The following FBXL13 variants were observed in gnomAD, a reference collection of about 807,000 sequenced individuals.
FBXL13 encodes F-box and leucine-rich repeat protein 13.
In FBXL13, 67 loss-of-function variants were observed where a neutral mutation model predicts 83.6. The observed-to-expected ratio is 0.80, with a 90% CI of 0.66 to 0.98. The LOEUF (loss-of-function observed/expected upper bound fraction) is 0.98. FBXL13 is among the 50% of genes least tolerant of loss of function. The probability of loss-of-function intolerance (pLI) is 0.00; values close to 1 mark genes in which losing one functional copy is unlikely to be tolerated. For missense variants in FBXL13, 822 were observed against 866.5 expected (o/e 0.95, Z 0.64); for synonymous variants, 272 against 299.5 (o/e 0.91, Z 0.95).
intron 6 of FBXL13, among the ~76,000 whole-genome samples, chr7:102,993,971 G>A (rs1419740902): frequency 6.6e-6 from 1 of 152,020 alleles, no homozygotes; most frequent in Non-Finnish European, 1.5e-5. Flanking sequence ...TTTTAAATAA[G>A]GTTCAGACCA....
chr7:102,813,764 G>A (rs1469399313), intron 19 of FBXL13, among the ~76,000 whole-genome samples: 2 of 152,152 alleles, frequency 1.3e-5, no homozygotes, highest in African/African-American at 2.4e-5. Flanking sequence ...CAGTGAATGG[G>A]TAAGGAAACT....
chr7:102,980,494 C>T (rs1487942890), intron 6 of FBXL13, among the ~76,000 whole-genome samples: 1 of 152,172 alleles, frequency 6.6e-6, no homozygotes, highest in Non-Finnish European at 1.5e-5. Context: ...AGAGCTAAAA[C>T]CAGCCGGGTG....
At chr7:103,015,044 A>G (rs1349723247) in intron 6 of FBXL13, among the ~76,000 whole-genome samples, 1 of 152,106 alleles carries the variant, frequency 6.6e-6, no homozygotes, top group East Asian at 1.9e-4. Flanking sequence ...GGTTCAACAC[A>G]TGCAAATCAA....
At chr7:102,983,421 C>CTTT (rs151066223) in intron 6 of FBXL13, among the ~76,000 whole-genome samples, 21,601 of 144,934 alleles carry the variant, frequency 0.15, 1,786 homozygotes, top group Middle Eastern at 0.18. Flanking sequence ...TCTTTTTTCC[C>CTTT]CTTTTTTTTT....
intron 8 of FBXL13, chr7:102,945,040 C>T (rs1822226864): frequency 6.5e-6 from 1 of 153,370 alleles, no homozygotes. Context: ...TTCCCTACCC[C>T]TCTACTTTTT....
chr7:102,963,648 C>T, exon 8 of FBXL13: 1 of 1,599,856 alleles, frequency 6.3e-7, no homozygotes, highest in African/African-American at 1.3e-5. Flanking sequence ...TCACATTTTT[C>T]ACTGAGGAAA....
intron 10 of FBXL13, among the ~76,000 whole-genome samples, chr7:102,920,620 G>A (rs1158672984): frequency 1.3e-5 from 2 of 151,948 alleles, no homozygotes; most frequent in Non-Finnish European, 2.9e-5. Flanking sequence ...CAAACTGCTG[G>A]GTTACAGCAA....
chr7:102,885,276 TCAC>T (rs1810642813), intron 11 of FBXL13, among the ~76,000 whole-genome samples: 1 of 152,230 alleles, frequency 6.6e-6, no homozygotes, highest in Admixed American at 6.5e-5. Flanking sequence ...TTTCTCCACA[TCAC>T]CAACACTTAT....
chr7:102,974,453 T>A lies in FBXL13; in HGVS notation c.496-6336A>T, dbSNP rs1379885267. Among the ~76,000 whole-genome samples the A allele has an allele frequency of 2.0e-5, 3 of 152,084 alleles. No individual in the cohort carries two copies. The East Asian group carries it at 5.8e-4, about 29-fold the overall frequency. On this transcript the variant is annotated intron_variant, in intron 6 of 19. Transcript: ENST00000313221. The stretch of plus-strand genomic sequence containing the variant: ...AGGCAAGATATCCATCCTCCTTGTC[T>A]TTTTTTGCAATTCAGACTGGCCACA...
At chr7:102,887,018 T>C (rs913174619) in intron 11 of FBXL13, among the ~76,000 whole-genome samples, 4 of 152,216 alleles carry the variant, frequency 2.6e-5, no homozygotes, top group African/African-American at 7.2e-5. Context: ...AAAAAGACTT[T>C]GGGAAATATG....
chr7:102,904,978 T>C (rs113062691), intron 11 of FBXL13, among the ~76,000 whole-genome samples: 75 of 152,352 alleles, frequency 4.9e-4, no homozygotes, highest in African/African-American at 1.7e-3. Context: ...GAGAGGATGC[T>C]TGATATTATT....
At chr7:102,944,139 T>G (rs892231645) in intron 8 of FBXL13, 1 of 1,187,934 alleles carries the variant, frequency 8.4e-7, no homozygotes, top group Non-Finnish European at 1.2e-6. Context: ...AAATTTGTAT[T>G]TGTCCTTTCC....
chr7:102,830,481 T>C (rs1192503454), intron 18 of FBXL13, among the ~76,000 whole-genome samples: 1 of 152,204 alleles, frequency 6.6e-6, no homozygotes, highest in Non-Finnish European at 1.5e-5. Context: ...CTGGGTCCCT[T>C]GACCCAGCTC....
intron 4 of FBXL13, 96 bp from the exon 6 acceptor site, chr7:103,027,654 AAT>A: frequency 2.8e-6 from 2 of 715,204 alleles, no homozygotes; most frequent in Non-Finnish European, 4.3e-6. Flanking sequence ...TTTATGAGAC[AAT>A]GTCGCATCTG....
intron 6 of FBXL13, among the ~76,000 whole-genome samples, chr7:103,006,312 T>C (rs978371912): frequency 6.6e-6 from 1 of 152,182 alleles, no homozygotes; most frequent in Non-Finnish European, 1.5e-5. Flanking sequence ...TTCTAAGCTG[T>C]GTATGCACAG....
intron 17 of FBXL13, among the ~76,000 whole-genome samples, chr7:102,845,053 C>T (rs1426941370): frequency 1.3e-5 from 2 of 152,110 alleles, no homozygotes; most frequent in African/African-American, 4.8e-5. Flanking sequence ...TGTTCGCCAA[C>T]CTGGAAGTAC....
At chr7:103,038,222 G>A (rs1027614054) in intron 2 of FBXL13, among the ~76,000 whole-genome samples, 2 of 152,120 alleles carry the variant, frequency 1.3e-5, no homozygotes, top group African/African-American at 2.4e-5. Context: ...GTCTGAGATC[G>A]ACCTGCGACA....
At chr7:102,944,150 A>G in intron 8 of FBXL13, 1 of 1,300,192 alleles carries the variant, frequency 7.7e-7, no homozygotes, top group South Asian at 1.7e-5. Flanking sequence ...TGTCCTTTCC[A>G]TATGCCATAC....
intron 8 of FBXL13, chr7:102,944,583 C>T (rs375071635): frequency 1.7e-4 from 276 of 1,608,158 alleles, no homozygotes; most frequent in Non-Finnish European, 2.1e-4. Context: ...AGAAGCAAAG[C>T]GTAATAATTA....
Sources: allele counts gnomAD v4.1 joint callset (sites outside exome capture counted in the v4.1 genomes callset), GRCh38; gene constraint gnomAD v4.1.1; transcripts MANE v1.5; gene names NCBI Gene and HGNC (gene_info 2026-07-23, HGNC 2026-07-21).